NRXN1: variants seen among roughly 807,000 people sequenced by gnomAD.
NRXN1 encodes neurexin-1.
In NRXN1, 39 loss-of-function variants were observed where a neutral mutation model predicts 150.9. The observed-to-expected ratio is 0.26, with a 90% CI of 0.20 to 0.34. NRXN1 has a LOEUF of 0.34. NRXN1 is among the 10% of genes least tolerant of loss of function. NRXN1 has a pLI of 1.00. For synonymous variants in NRXN1, 924 were observed against 757.0 expected, an observed-to-expected ratio of 1.22 and a Z score of -3.62; for missense variants, 1,815 against 1,949.9, an observed-to-expected ratio of 0.93 and a Z score of 1.30.
intron 17 of NRXN1, among the ~76,000 whole-genome samples, chr2:50,332,580 G>T (rs1012405304): frequency 6.6e-6 from 1 of 152,144 alleles, no homozygotes; most frequent in African/African-American, 2.4e-5. Flanking sequence ...ACTATAATAA[G>T]CAAAAGGCAT....
chr2:50,269,608 G>A (rs1362520241), intron 17 of NRXN1, among the ~76,000 whole-genome samples: 1 of 152,108 alleles, frequency 6.6e-6, no homozygotes, highest in Non-Finnish European at 1.5e-5. Context: ...TTTATAGCTA[G>A]AAGTTAAGTC....
intron 13 of NRXN1, 94 bp from the exon 14 acceptor site, chr2:50,497,808 G>A: frequency 3.4e-6 from 4 of 1,190,052 alleles, no homozygotes; most frequent in Non-Finnish European, 4.7e-6. Flanking sequence ...AAAATACAAG[G>A]AGCCAAATCC....
At chr2:50,330,370 C>G (rs868621808) in intron 17 of NRXN1, among the ~76,000 whole-genome samples, 2 of 152,072 alleles carry the variant, frequency 1.3e-5, no homozygotes, top group African/African-American at 2.4e-5. Context: ...CTCTAAATGC[C>G]TTAAAGAGTT....
chr2:50,713,888 G>C (rs1415700210), intron 5 of NRXN1, among the ~76,000 whole-genome samples: 1 of 152,052 alleles, frequency 6.6e-6, no homozygotes, highest in Non-Finnish European at 1.5e-5. Context: ...AATGTGATGG[G>C]ATTTTTATAT....
intron 2 of NRXN1, among the ~76,000 whole-genome samples, chr2:50,934,490 T>G (rs1688230979): frequency 6.6e-6 from 1 of 152,152 alleles, no homozygotes; most frequent in Admixed American, 6.6e-5. Flanking sequence ...ATGGCATATT[T>G]CTAAGTAAAA....
chr2:50,613,374 A>G (rs1678505573), intron 8 of NRXN1, among the ~76,000 whole-genome samples: 3 of 152,164 alleles, frequency 2.0e-5, no homozygotes, highest in Non-Finnish European at 4.4e-5. Flanking sequence ...GCTCAAATAT[A>G]TACTATTGTT....
At chr2:50,813,300 G>A (rs1396118492) in intron 5 of NRXN1, among the ~76,000 whole-genome samples, 2 of 151,632 alleles carry the variant, frequency 1.3e-5, no homozygotes, top group South Asian at 4.2e-4. Flanking sequence ...TTTCTTTTTT[G>A]TTATCTTTTA....
chr2:50,620,107 T>G lies in NRXN1; in HGVS notation c.1235A>C (p.Asp412Ala). ...QEDYTMLGSD[D>A]FFYVGGSPST... ...GGGACTGCCTCCAACATAGAAAAAG[T>G]CATCAGACCCCAGCATGGTATAATC... Residue 412 changes from aspartate to alanine, a missense_variant, in exon 8 of 23, where the codon GAC (aspartate) becomes GCC (alanine). Transcript: ENST00000401669. 1.9e-6 allele frequency: 3 copies of G among 1,613,432 alleles called. No homozygotes were observed. Among genetic ancestry groups the G allele is most frequent in the Non-Finnish European group, 2.5e-6 (3 of 1,179,648 alleles).
chr2:50,458,582 A>AT (rs56386052), intron 17 of NRXN1, among the ~76,000 whole-genome samples: 37,593 of 146,540 alleles, frequency 0.26, 4,992 homozygotes, highest in East Asian at 0.4. Context: ...TGTATTCATA[A>AT]TTTTTTTTTT....
chr2:50,174,408 A>G (rs1021362458), intron 18 of NRXN1, among the ~76,000 whole-genome samples: 9 of 152,158 alleles, frequency 5.9e-5, no homozygotes, highest in African/African-American at 2.2e-4. Context: ...TTTGTATCAA[A>G]TTCAACATAT....
At chr2:50,939,106 G>C (rs976942502) in intron 2 of NRXN1, among the ~76,000 whole-genome samples, 1 of 150,432 alleles carries the variant, frequency 6.6e-6, no homozygotes, top group African/African-American at 2.4e-5. Flanking sequence ...AGCTACCTGG[G>C]AGGCTGAGGC....
At chr2:50,918,742 T>A (rs1025077013) in intron 5 of NRXN1, 2 of 322,390 alleles carry the variant, frequency 6.2e-6, no homozygotes, top group African/African-American at 4.3e-5. Flanking sequence ...ACATACTTCA[T>A]TCAAGGCAAA....
chr2:50,473,759 G>A (rs988530273), intron 15 of NRXN1, among the ~76,000 whole-genome samples: 2 of 151,998 alleles, frequency 1.3e-5, no homozygotes, highest in Non-Finnish European at 2.9e-5. Flanking sequence ...CTGTTGAGCT[G>A]TGAGTAACAA....
At position 49,920,617 on chromosome 2, in the gene NRXN1, G is replaced by C. The variant is rs12998798; in HGVS notation, c.*1327C>G. 22,317 of 151,998 alleles carry C rather than the reference G, an allele frequency of 0.15. 2,103 individuals are homozygous for C. The highest frequency in any genetic ancestry group is 0.23 in the East Asian group (1,194 of 5,108). The allele number at this position is 151,998 out of a possible 1,614,324, so 9.4% of individuals were successfully genotyped here. ...CCTTGGCACAACCCTCTTCCTTCCT[G>C]CTTTTCAATTTGTCAATAAATATTT... On this transcript the variant is annotated 3_prime_UTR_variant, in exon 23 of 23. Coordinates refer to ENST00000401669, the MANE Select transcript of NRXN1 (RefSeq NM_001330078.2).
chr2:49,953,498 G>A (rs1173741156), intron 21 of NRXN1, among the ~76,000 whole-genome samples: 3 of 151,856 alleles, frequency 2.0e-5, no homozygotes, highest in South Asian at 2.1e-4. Flanking sequence ...ACATATTTAC[G>A]ATGTTGTACT....
At chr2:51,023,823 C>A (rs1425346722) in intron 2 of NRXN1, among the ~76,000 whole-genome samples, 2 of 152,158 alleles carry the variant, frequency 1.3e-5, no homozygotes, top group East Asian at 3.9e-4. Flanking sequence ...CCTATCTGGT[C>A]ACATTCACAA....
chr2:50,535,493 C>T (rs2093233108), intron 10 of NRXN1, among the ~76,000 whole-genome samples: 1 of 152,184 alleles, frequency 6.6e-6, no homozygotes, highest in East Asian at 1.9e-4. Context: ...ACATCTGTCC[C>T]TCCATCTGTT....
At chr2:50,060,163 C>T (rs1344210725) in intron 19 of NRXN1, among the ~76,000 whole-genome samples, 3 of 152,190 alleles carry the variant, frequency 2.0e-5, no homozygotes, top group Non-Finnish European at 4.4e-5. Flanking sequence ...CCCTGCAAAG[C>T]CACAGAGGCA....
chr2:50,647,138 A>T (rs1306113582), intron 5 of NRXN1, among the ~76,000 whole-genome samples: 1 of 151,796 alleles, frequency 6.6e-6, no homozygotes, highest in Non-Finnish European at 1.5e-5. Flanking sequence ...TCTCAAACAC[A>T]TCTCAATTTT....
Sources: gnomAD v4.1 joint callset for allele counts (sites outside exome capture counted in the v4.1 genomes callset) on GRCh38, gnomAD v4.1.1 for gene constraint, MANE v1.5 for transcripts, NCBI Gene and HGNC (gene_info 2026-07-23, HGNC 2026-07-21) for gene names.